Variants in NAV2 observed in about 807,000 individuals in gnomAD.
The protein encoded by NAV2 is helicase, APC down-regulated 1.
NAV2 carries 54 observed loss-of-function variants against 223.2 expected under a neutral mutation model. That is an observed-to-expected ratio of 0.24 (90% CI 0.19 to 0.30). NAV2 has a LOEUF of 0.30. Among genes scored for constraint, NAV2 ranks in the 10% least tolerant of loss-of-function variants. NAV2 has a pLI of 1.00. For synonymous variants in NAV2, 1,279 were observed against 1,239.3 expected, an observed-to-expected ratio of 1.03 and a Z score of -0.67; for missense variants, 2,806 against 3,147.5, an observed-to-expected ratio of 0.89 and a Z score of 2.60.
At chr11:19,701,786 T>C (rs1286338879) in intron 1 of NAV2, among the ~76,000 whole-genome samples, 1 of 152,200 alleles carries the variant, frequency 6.6e-6, no homozygotes, top group Non-Finnish European at 1.5e-5. Flanking sequence ...GTGTATTTTG[T>C]TTTTTTCCAC....
chr11:19,391,987 G>A (rs2729855), intron 1 of NAV2, among the ~76,000 whole-genome samples: 141,516 of 152,228 alleles, frequency 0.93, 66,624 homozygotes, highest in East Asian at 1. Context: ...ATAAATAATG[G>A]TTACAAATCA....
At chr11:20,077,686 C>T in intron 23 of NAV2, 51 bp downstream of exon 23, 1 of 1,329,174 alleles carries the variant, frequency 7.5e-7, no homozygotes, top group South Asian at 1.2e-5. Flanking sequence ...TAACAACAAA[C>T]TTGAAAATAC....
chr11:19,679,467 C>T (rs534841817), intron 1 of NAV2, among the ~76,000 whole-genome samples: 2 of 147,868 alleles, frequency 1.4e-5, no homozygotes, highest in South Asian at 4.4e-4. Context: ...TATTATTTTG[C>T]CCCTCTGTTT....
At chr11:19,436,041 C>T (rs374470315) in intron 1 of NAV2, among the ~76,000 whole-genome samples, 2 of 151,954 alleles carry the variant, frequency 1.3e-5, no homozygotes, top group African/African-American at 4.8e-5. Flanking sequence ...CTATTAATTG[C>T]TTCCTTTGTT....
chr11:20,113,669 A>G (rs2062816901), intron 36 of NAV2, among the ~76,000 whole-genome samples: 1 of 152,190 alleles, frequency 6.6e-6, no homozygotes, highest in Non-Finnish European at 1.5e-5. Flanking sequence ...GCACTTCTAT[A>G]TAGGGGCTGT....
At chr11:19,428,369 C>T (rs1399431934) in intron 1 of NAV2, among the ~76,000 whole-genome samples, 2 of 152,152 alleles carry the variant, frequency 1.3e-5, no homozygotes, top group Non-Finnish European at 2.9e-5. Flanking sequence ...GAAATTTTGC[C>T]AGCTGCAAAG....
chr11:19,534,689 T>A (rs185778472), intron 1 of NAV2, among the ~76,000 whole-genome samples: 3 of 152,082 alleles, frequency 2.0e-5, no homozygotes, highest in Non-Finnish European at 4.4e-5. Context: ...GCAGCAGGGC[T>A]CCCTGTGCAA....
At chr11:20,113,624 C>A (rs1007371454) in intron 36 of NAV2, among the ~76,000 whole-genome samples, 1 of 152,148 alleles carries the variant, frequency 6.6e-6, no homozygotes, top group Non-Finnish European at 1.5e-5. Flanking sequence ...CTATGTGCAA[C>A]CTCTGTTAGC....
chr11:19,388,321 A>C (rs935789797), intron 1 of NAV2, among the ~76,000 whole-genome samples: 4 of 152,190 alleles, frequency 2.6e-5, no homozygotes, highest in African/African-American at 9.7e-5. Flanking sequence ...CAAGAACCCG[A>C]CTGTCCCAGC....
At chr11:20,068,427 G>A (rs780860546) in intron 22 of NAV2, 29 bp downstream of exon 22, 40 of 1,558,794 alleles carry the variant, frequency 2.6e-5, no homozygotes, top group Middle Eastern at 3.3e-4. Flanking sequence ...CAGTAGCATC[G>A]GGACAGGAAG....
At chr11:20,108,632 A>G (rs908937358) in intron 36 of NAV2, among the ~76,000 whole-genome samples, 31 of 117,926 alleles carry the variant, frequency 2.6e-4, no homozygotes, top group African/African-American at 8.9e-4. Context: ...TTTGGATTTT[A>G]GTAGATACGG....
intron 7 of NAV2, among the ~76,000 whole-genome samples, chr11:19,935,748 T>C (rs1665618193): frequency 6.6e-6 from 1 of 152,008 alleles, no homozygotes; most frequent in Non-Finnish European, 1.5e-5. Context: ...TCTCATTTTA[T>C]TGAATCAAGT....
chr11:20,013,516 A>G (rs191511449), intron 11 of NAV2, among the ~76,000 whole-genome samples: 1 of 151,844 alleles, frequency 6.6e-6, no homozygotes, highest in African/African-American at 2.4e-5. Context: ...ACTGTGGTTC[A>G]GAGGTTGGGA....
At chr11:19,689,832 G>T (rs985272854) in intron 1 of NAV2, among the ~76,000 whole-genome samples, 13 of 152,194 alleles carry the variant, frequency 8.5e-5, no homozygotes, top group African/African-American at 3.1e-4. Flanking sequence ...CATCATGAGG[G>T]TGCTGAGTTG....
chr11:19,899,236 TC>T (rs1451695673), intron 6 of NAV2, among the ~76,000 whole-genome samples: 13 of 152,200 alleles, frequency 8.5e-5, no homozygotes, highest in Non-Finnish European at 1.5e-4. Context: ...CAGACATGGC[TC>T]GAGACAGAAT....
intron 11 of NAV2, among the ~76,000 whole-genome samples, chr11:20,023,701 T>TGGGTGGGTGG (rs1428029064): frequency 2.0e-4 from 3 of 15,320 alleles, no homozygotes; most frequent in Non-Finnish European, 5.8e-4. Flanking sequence ...AATTGCTGGG[T>TGGGTGGGTGG]GTGTGTGTGT....
chr11:19,420,098 G>A (rs1337935379), intron 1 of NAV2, among the ~76,000 whole-genome samples: 1 of 152,150 alleles, frequency 6.6e-6, no homozygotes, highest in East Asian at 1.9e-4. Context: ...ACCTATGGGC[G>A]GTTGTGTTTT....
chr11:19,860,279 C>T (rs1198149749), intron 3 of NAV2, among the ~76,000 whole-genome samples: 10 of 119,378 alleles, frequency 8.4e-5, no homozygotes, highest in Admixed American at 2.4e-4. Flanking sequence ...TCAGACGGGG[C>T]GGCTGCCGGG....
chr11:19,653,524 A>C (rs2048031276), intron 1 of NAV2, among the ~76,000 whole-genome samples: 1 of 152,198 alleles, frequency 6.6e-6, no homozygotes, highest in Non-Finnish European at 1.5e-5. Context: ...CAGGTGATGC[A>C]GCTTATCCAA....
Sources: gnomAD v4.1 joint callset for allele counts (sites outside exome capture counted in the v4.1 genomes callset) on GRCh38, gnomAD v4.1.1 for gene constraint, MANE v1.5 for transcripts, NCBI Gene and HGNC (gene_info 2026-07-23, HGNC 2026-07-21) for gene names.